BRSK2: variants seen among roughly 807,000 people sequenced by gnomAD.
BRSK2 encodes the protein serine/threonine-protein kinase BRSK2.
In BRSK2, 19 loss-of-function variants were observed where a neutral mutation model predicts 83.3. The observed-to-expected ratio is 0.23, with a 90% CI of 0.16 to 0.33. The LOEUF (loss-of-function observed/expected upper bound fraction) is 0.33. Among genes scored for constraint, BRSK2 ranks in the 10% least tolerant of loss-of-function variants. The pLI, the probability that BRSK2 is intolerant of heterozygous loss-of-function variation, is 1.00. For missense variants in BRSK2, 798 were observed against 1,042.3 expected (o/e 0.77, Z 3.23); for synonymous variants, 519 against 435.4 (o/e 1.19, Z -2.39).
In BRSK2 at chr11:1,448,972, C is replaced by T. The variant is rs139070478; in HGVS notation, c.1227-804C>T. Among the ~76,000 whole-genome samples the T allele has an allele frequency of 3.7e-3, 557 of 152,280 alleles. 4 individuals carry two copies. The highest frequency in any genetic ancestry group is 0.021 in the South Asian group (102 of 4,828). On this transcript the variant is annotated intron_variant, in intron 12 of 19. Coordinates refer to ENST00000528841, the MANE Select transcript of BRSK2 (RefSeq NM_001256627.2). ...GTGCAGGCCGGGCTTTTACTCTTCT[C>T]TGTCCTCTTCTCTTCGGCGGCTGCC...
At chr11:1,442,967 TG>T in intron 5 of BRSK2, 138 bp from the exon 6 acceptor site, 1 of 1,034,266 alleles carries the variant, frequency 9.7e-7, no homozygotes, top group Non-Finnish European at 1.4e-6. Flanking sequence ...AAAGCCCGCC[TG>T]GGGATGCAGG....
chr11:1,455,941 G>T (rs563138321), intron 16 of BRSK2, among the ~76,000 whole-genome samples: 3 of 151,892 alleles, frequency 2.0e-5, no homozygotes, highest in Non-Finnish European at 4.4e-5. Context: ...CCCCAGCCCC[G>T]CCCTTGCACC....
chr11:1,434,329 G>A (rs1346563506), intron 1 of BRSK2, among the ~76,000 whole-genome samples: 5 of 151,790 alleles, frequency 3.3e-5, no homozygotes, highest in Middle Eastern at 3.2e-3. Context: ...GGGGTCCCCT[G>A]TGATAACCTG....
chr11:1,458,180 T>G (rs1013443894), intron 18 of BRSK2, among the ~76,000 whole-genome samples: 1 of 152,012 alleles, frequency 6.6e-6, no homozygotes, highest in East Asian at 1.9e-4. Context: ...TCCCCGCACC[T>G]GAGCAGCCAT....
chr11:1,454,311 C>T lies in BRSK2; in HGVS notation c.1545-174C>T. The T allele has an allele frequency of 5.6e-6, 4 of 713,536 alleles. No individual in the cohort carries two copies. The highest frequency in any genetic ancestry group is 5.1e-5 in the South Asian group (3 of 58,446). The allele number at this position is 713,536 out of a possible 1,614,324, so 44.2% of individuals were successfully genotyped here. On this transcript the variant is annotated intron_variant, in intron 15 of 19. Transcript: ENST00000528841. This position sits in a 1 kb window ranked among gnomAD's most constrained non-coding sequence, Gnocchi z 5.2. ...CACGGTGATGGTCAGGGCATATGGG[C>T]TAGGGTTAGGGCGTTGGGGTCAGGG...
intron 12 of BRSK2, among the ~76,000 whole-genome samples, chr11:1,448,601 G>A (rs529875479): frequency 6.6e-6 from 1 of 152,274 alleles, no homozygotes; most frequent in East Asian, 1.9e-4. Context: ...AGCTCTGGGC[G>A]GGCTCGACAG....
intron 1 of BRSK2, among the ~76,000 whole-genome samples, chr11:1,395,808 C>T (rs989364348): frequency 3.3e-5 from 5 of 152,208 alleles, no homozygotes; most frequent in Non-Finnish European, 5.9e-5. Context: ...CCAGGCTGTG[C>T]CCCCTCCCCC....
intron 18 of BRSK2, 44 bp from the exon 19 acceptor site, chr11:1,459,148 C>T: frequency 6.2e-7 from 1 of 1,603,342 alleles, no homozygotes; most frequent in South Asian, 1.1e-5. Flanking sequence ...CCCAGGACAG[C>T]CTTTCACTCA....
intron 18 of BRSK2, chr11:1,457,179 C>G (rs993824652): frequency 2.9e-5 from 24 of 841,008 alleles, no homozygotes; most frequent in Non-Finnish European, 8.9e-6. Context: ...AAGCATGCCC[C>G]GGGCGGCCCA....
rs370973176 is a variant in BRSK2, at chr11:1,456,437, G to A, written c.1758G>A (p.Pro586=). The A allele has an allele frequency of 4.4e-4, 705 of 1,593,026 alleles. No homozygotes were observed. The highest frequency in any genetic ancestry group is 5.4e-4 in the Non-Finnish European group (632 of 1,170,982). The part of the protein sequence containing the change: ...ATGGPAVFQK[P]VKFQVDITYT... ...GGGGGCCAGCCGTGTTCCAGAAGCC[G>A]GTCAAGTTCCAGGTTGATATCACCT... The change falls in exon 17 of 20, where the codon CCG becomes CCA. Residue 586 remains proline (P), a synonymous_variant. Coordinates refer to ENST00000528841, the MANE Select transcript of BRSK2 (RefSeq NM_001256627.2).
intron 1 of BRSK2, chr11:1,411,358 T>C: frequency 6.9e-7 from 1 of 1,448,824 alleles, no homozygotes; most frequent in Non-Finnish European, 9.0e-7. Flanking sequence ...CTGCCCCATC[T>C]GGCCCTAGTT....
At chr11:1,402,639 T>A (rs1017528492) in intron 1 of BRSK2, among the ~76,000 whole-genome samples, 1 of 152,004 alleles carries the variant, frequency 6.6e-6, no homozygotes, top group African/African-American at 2.4e-5. Flanking sequence ...AGGAGAGGGT[T>A]CTCTAGGGCC....
chr11:1,418,341 G>A (rs530880131), intron 1 of BRSK2, among the ~76,000 whole-genome samples: 4 of 145,286 alleles, frequency 2.8e-5, no homozygotes, highest in Non-Finnish European at 6.0e-5. Flanking sequence ...GGTCACCTGT[G>A]TCCTGCTTCT....
intron 18 of BRSK2, among the ~76,000 whole-genome samples, chr11:1,458,917 G>A (rs1233380858): frequency 1.1e-4 from 17 of 152,180 alleles, no homozygotes; most frequent in Non-Finnish European, 2.1e-4. Flanking sequence ...CCAGGCTCAG[G>A]CTCAGGCTGC....
At chr11:1,406,881 C>T (rs973617749) in intron 1 of BRSK2, among the ~76,000 whole-genome samples, 13 of 152,132 alleles carry the variant, frequency 8.5e-5, no homozygotes, top group Admixed American at 6.5e-5. Flanking sequence ...GGTTTGTGTG[C>T]GCCTGCATAT....
chr11:1,416,896 C>T (rs1056266158), intron 1 of BRSK2, among the ~76,000 whole-genome samples: 5 of 152,144 alleles, frequency 3.3e-5, no homozygotes, highest in Non-Finnish European at 5.9e-5. Flanking sequence ...CGCGGTGGCT[C>T]ATGCCTGTAA....
rs771388319 is a variant in BRSK2, at chr11:1,460,607, G to A, written c.2095G>A (p.Gly699Ser). Residue 699 changes from glycine (G) to serine (S), a missense_variant, in exon 20 of 20, where the codon GGC becomes AGC. Coordinates refer to ENST00000528841, the MANE Select transcript of BRSK2 (RefSeq NM_001256627.2). ...CACGCCCGCCAAGCGGAGTGCCCACGGCCCACTCGGTGACTCCGCGGCCGC... is the reference window on the plus strand; with the variant it reads ...CACGCCCGCCAAGCGGAGTGCCCACAGCCCACTCGGTGACTCCGCGGCCGC... ...PSTPAKRSAH[G>S]PLGDSAAAGP... 1.3e-5 allele frequency: 20 copies of A among 1,531,974 alleles called. No individual in the cohort carries two copies. In the East Asian group the frequency reaches 1.5e-4, roughly 11 times the overall value. The allele number at this position is 1,531,974 out of a possible 1,614,324, so 94.9% of individuals were successfully genotyped here.
At chr11:1,440,500 C>T (rs1286795669) in intron 3 of BRSK2, among the ~76,000 whole-genome samples, 1 of 152,174 alleles carries the variant, frequency 6.6e-6, no homozygotes, top group Non-Finnish European at 1.5e-5. Context: ...TCCAAACCCT[C>T]CCTGGCGGCT....
intron 12 of BRSK2, 116 bp downstream of exon 12, chr11:1,446,023 G>A: frequency 7.4e-7 from 1 of 1,357,516 alleles, no homozygotes. Flanking sequence ...ATTGGGTGGG[G>A]CTGTATGGGC....
Sources: gnomAD v4.1 joint callset for allele counts (sites outside exome capture counted in the v4.1 genomes callset) on GRCh38, gnomAD v4.1.1 for gene constraint, Gnocchi (gnomAD v3.1) non-coding constraint, MANE v1.5 for transcripts, NCBI Gene and HGNC (gene_info 2026-07-23, HGNC 2026-07-21) for gene names.